Variants in CD58 observed in about 807,000 individuals in gnomAD.
The protein encoded by CD58 is CD58 molecule.
A neutral mutation model predicts 27.6 loss-of-function variants in CD58; 14 were observed. The ratio of observed to expected loss-of-function variants is 0.51; its 90% confidence interval spans 0.34 to 0.79. The LOEUF (loss-of-function observed/expected upper bound fraction) is 0.79, where lower values mean the gene tolerates loss of function less well. Ranked by LOEUF, CD58 falls within the 30% of genes least tolerant of loss-of-function variation. The probability of loss-of-function intolerance (pLI) is 0.02; values close to 1 mark genes in which losing one functional copy is unlikely to be tolerated. For missense variants in CD58, 268 were observed against 301.7 expected (o/e 0.89, Z 0.83); for synonymous variants, 117 against 103.8 (o/e 1.13, Z -0.77).
At chr1:116,547,476 C>T (rs1658223738) in intron 1 of CD58, among the ~76,000 whole-genome samples, 1 of 151,918 alleles carries the variant, frequency 6.6e-6, no homozygotes, top group South Asian at 2.1e-4. Flanking sequence ...CAGGCGCCCA[C>T]CACCATGCCC....
rs1052629700 is a variant in CD58, at chr1:116,548,024, G to C, written c.71-3420C>G. The stretch of plus-strand genomic sequence containing the variant: ...AGGAGTAAGGTGGTATTGCATTGTG[G>C]TTTCAATTTGCATTTCCCTGATAAT... On this transcript the variant is annotated intron_variant, in intron 1 of 5. Transcript: ENST00000369489. Among the ~76,000 whole-genome samples, 5 of 152,210 alleles carry C rather than the reference G, an allele frequency of 3.3e-5. No homozygotes were observed. The South Asian group carries it at 1.0e-3, about 32-fold the overall frequency.
intron 1 of CD58, among the ~76,000 whole-genome samples, chr1:116,549,029 C>T (rs1161715933): frequency 6.6e-6 from 1 of 152,198 alleles, no homozygotes. Context: ...CATTGTCTGA[C>T]TCCTTGGTCA....
intron 1 of CD58, among the ~76,000 whole-genome samples, chr1:116,566,952 A>G (rs1161230531): frequency 1.3e-5 from 2 of 151,596 alleles, no homozygotes; most frequent in Non-Finnish European, 2.9e-5. Flanking sequence ...CAGCCTGGGC[A>G]ACATGGCAAA....
intron 5 of CD58, among the ~76,000 whole-genome samples, chr1:116,518,104 A>G (rs905062621): frequency 6.6e-6 from 1 of 152,138 alleles, no homozygotes; most frequent in Admixed American, 6.5e-5. Flanking sequence ...TGTCATTTCT[A>G]TATTATCATT....
chr1:116,555,413 C>T (rs554953070), intron 1 of CD58, among the ~76,000 whole-genome samples: 1 of 152,208 alleles, frequency 6.6e-6, no homozygotes, highest in African/African-American at 2.4e-5. Flanking sequence ...TCTGAATTAA[C>T]TGGGTGAGAA....
chr1:116,518,621 C>T lies in CD58; in HGVS notation c.743+610G>A, dbSNP rs867961407. ...CACCCTGGGCCTTAACTCTTCCCCT[C>T]ATCCCTCAACACCCAGCTCATGCCT... On this transcript the variant is annotated intron_variant, in intron 5 of 5. Coordinates refer to ENST00000369489, the MANE Select transcript of CD58 (RefSeq NM_001779.3). 1.1e-5 allele frequency: 11 copies of T among 972,872 alleles called. No homozygotes were observed. The African/African-American group carries it at 1.6e-4, about 14-fold the overall frequency. The allele number at this position is 972,872 out of a possible 1,614,324, so 60.3% of individuals were successfully genotyped here. A position where few individuals can be genotyped will look rare whatever the true frequency, so the allele number is the denominator to read the frequency against.
At chr1:116,554,862 T>C (rs530808482) in intron 1 of CD58, among the ~76,000 whole-genome samples, 10 of 152,330 alleles carry the variant, frequency 6.6e-5, no homozygotes, top group African/African-American at 2.4e-4. Flanking sequence ...CTACCTCTAC[T>C]TTGTGTGCAT....
rs1657979744 is a variant in CD58, at chr1:116,541,261, C to G, written c.364+3050G>C. 6.6e-6 allele frequency among the ~76,000 whole-genome samples: 1 copy of G among 152,206 alleles called. No homozygotes were observed. The highest frequency in any genetic ancestry group is 1.5e-5 in the Non-Finnish European group (1 of 68,042). On this transcript the variant is annotated intron_variant, in intron 2 of 5. Coordinates refer to ENST00000369489, the MANE Select transcript of CD58 (RefSeq NM_001779.3). This position sits in a 1 kb window ranked among gnomAD's most constrained non-coding sequence, Gnocchi z 5.3. ...CAATCCTCTTGTTTGTTGGCCCTAT[C>G]TATAAATTATCAGATCCCCAATGTC... is the stretch of plus-strand genomic sequence containing the variant.
intron 3 of CD58, among the ~76,000 whole-genome samples, chr1:116,526,585 C>G (rs181537746): frequency 1.7e-3 from 255 of 152,328 alleles, no homozygotes; most frequent in African/African-American, 5.9e-3. Flanking sequence ...ACTATGTTGA[C>G]TACTGTAGCT....
rs1001036254 is a variant in CD58, at chr1:116,546,899, C to T, written c.71-2295G>A. Among the ~76,000 whole-genome samples, 1 of 152,204 alleles carries T rather than the reference C, an allele frequency of 6.6e-6. No homozygotes were observed. Among genetic ancestry groups the T allele is most frequent in the Non-Finnish European group, 1.5e-5 (1 of 68,034 alleles). ...ATAGCAAGACCAACCCCTCCTCCCA[C>T]TTAGCCTGCTTTAACGTGAAGATAA... is the stretch of plus-strand genomic sequence containing the variant. On this transcript the variant is annotated intron_variant, in intron 1 of 5. Transcript: ENST00000369489. This position sits in a 1 kb window ranked among gnomAD's most constrained non-coding sequence, Gnocchi z 4.1.
At chr1:116,543,364 G>A (rs1219257064) in intron 2 of CD58, among the ~76,000 whole-genome samples, 1 of 152,094 alleles carries the variant, frequency 6.6e-6, no homozygotes, top group East Asian at 1.9e-4. Flanking sequence ...TCCATGGGTA[G>A]TGGGTAACGT....
At chr1:116,530,946 G>A (rs1243501803) in intron 3 of CD58, among the ~76,000 whole-genome samples, 1 of 152,072 alleles carries the variant, frequency 6.6e-6, no homozygotes, top group African/African-American at 2.4e-5. Context: ...ACTACTCCAG[G>A]ATTTAAACCT....
At position 116,516,851 on chromosome 1, in the gene CD58, C is replaced by T. The variant is rs1307519562; in HGVS notation, c.744-2029G>A. On this transcript the variant is annotated intron_variant, in intron 5 of 5. Coordinates refer to ENST00000369489, the MANE Select transcript of CD58 (RefSeq NM_001779.3). The surrounding 1 kb of genome is among the most constrained non-coding windows in gnomAD (Gnocchi z 6.1). ...TGCTCATGTGCATCCATTCTCTCTC[C>T]CTGGTGTGGCCACAAGCTTCTTGTG... Among the ~76,000 whole-genome samples, 2 of 152,138 alleles carry T rather than the reference C, an allele frequency of 1.3e-5. No homozygotes were observed. The highest frequency in any genetic ancestry group is 6.5e-5 in the Admixed American group (1 of 15,272).
intron 1 of CD58, among the ~76,000 whole-genome samples, chr1:116,551,414 T>C (rs1658385545): frequency 6.6e-6 from 1 of 152,266 alleles, no homozygotes; most frequent in African/African-American, 2.4e-5. Flanking sequence ...TAAGATCTCA[T>C]GAACTAACCT....
intron 1 of CD58, 93 bp from the exon 2 acceptor site, chr1:116,544,697 T>C: frequency 1.3e-6 from 1 of 797,726 alleles, no homozygotes; most frequent in Non-Finnish European, 2.0e-6. Context: ...GCTGACAAAC[T>C]GCTGACACAA....
rs1657312012 is a variant in CD58 at position 116,522,913 on chromosome 1, T to C, written c.629-930A>G. On this transcript the variant is annotated intron_variant, in intron 3 of 5. Coordinates refer to ENST00000369489, the MANE Select transcript of CD58 (RefSeq NM_001779.3). The surrounding 1 kb of genome is among the most constrained non-coding windows in gnomAD (Gnocchi z 4.6). ...ATAGTCTCACTAAGTCATTACAATG[T>C]TGGGCAAGTGCCTTAACCTCTCAGT... Among the ~76,000 whole-genome samples the C allele has an allele frequency of 6.6e-6, 1 of 152,236 alleles. No homozygotes were observed.
In CD58 at chr1:116,552,944, C is replaced by T. The variant is rs1658439426; in HGVS notation, c.71-8340G>A. Among the ~76,000 whole-genome samples, 1 of 152,132 alleles carries T rather than the reference C, an allele frequency of 6.6e-6. No individual in the cohort carries two copies. The highest frequency in any genetic ancestry group is 2.4e-5 in the African/African-American group (1 of 41,442). ...AAAAAGACTTTGGCAATTTACATCT[C>T]CATCAGTAATGCCTGAGTTGCCCTT... On this transcript the variant is annotated intron_variant, in intron 1 of 5. Transcript: ENST00000369489. The surrounding 1 kb of genome is among the most constrained non-coding windows in gnomAD (Gnocchi z 4.5).
Position 116,521,126 on chromosome 1 carries a change from T to C in CD58, c.706+780A>G, listed in dbSNP as rs1386913904. Among the ~76,000 whole-genome samples the C allele has an allele frequency of 1.3e-5, 2 of 152,216 alleles. No homozygotes were observed. The highest frequency in any genetic ancestry group is 1.3e-4 in the Admixed American group (2 of 15,274). On this transcript the variant is annotated intron_variant, in intron 4 of 5. Transcript: ENST00000369489. The surrounding 1 kb of genome is among the most constrained non-coding windows in gnomAD (Gnocchi z 5.6). ...ATCATATGTGGCTAATTGGCTACTA[T>C]ACTAAACAGTGCAGGTCTAAGGAAA... is the stretch of plus-strand genomic sequence containing the variant.
At chr1:116,530,254 G>A (rs936824544) in intron 3 of CD58, among the ~76,000 whole-genome samples, 10 of 150,002 alleles carry the variant, frequency 6.7e-5, no homozygotes, top group African/African-American at 2.5e-4. Context: ...CACCCAGGCT[G>A]GAGTGCAGTG....
Sources: allele counts gnomAD v4.1 joint callset (sites outside exome capture counted in the v4.1 genomes callset), GRCh38; gene constraint gnomAD v4.1.1; non-coding constraint Gnocchi (gnomAD v3.1); transcripts MANE v1.5; gene names NCBI Gene and HGNC (gene_info 2026-07-23, HGNC 2026-07-21).